The following PYGB variants were observed in gnomAD, a reference collection of about 807,000 sequenced individuals.
The protein encoded by PYGB is glycogen phosphorylase B.
Under a neutral mutation model 94.3 loss-of-function variants are expected in PYGB, and 82 were observed. The ratio of observed to expected loss-of-function variants is 0.87; its 90% confidence interval spans 0.73 to 1.04. The LOEUF (loss-of-function observed/expected upper bound fraction) is 1.04, where lower values mean the gene tolerates loss of function less well. Ranked by LOEUF, PYGB falls within the 50% of genes least tolerant of loss-of-function variation. The pLI, the probability that PYGB is intolerant of heterozygous loss-of-function variation, is 0.00. For synonymous variants in PYGB, 488 were observed against 479.1 expected, an observed-to-expected ratio of 1.02 and a Z score of -0.24; for missense variants, 1,132 against 1,158.2, an observed-to-expected ratio of 0.98 and a Z score of 0.33.
intron 1 of PYGB, among the ~76,000 whole-genome samples, chr20:25,254,378 C>T (rs2092897294): frequency 6.6e-6 from 1 of 152,084 alleles, no homozygotes; most frequent in Non-Finnish European, 1.5e-5. Flanking sequence ...CGGATCAAAG[C>T]TTTAAGCCAT....
chr20:25,294,246 C>T lies in PYGB; in HGVS notation c.2266C>T (p.Pro756Ser). ...ISSGFFSPKE[P>S]DCFKDIVNML... The stretch of plus-strand genomic sequence containing the variant: ...CAGTGGCTTTTTTTCTCCCAAGGAG[C>T]CAGACTGCTTCAAGGACATCGTGAA... Residue 756 changes from proline (P) to serine (S), a missense_variant, in exon 18 of 20, where the codon CCA (proline) becomes TCA (serine). Coordinates refer to ENST00000216962, the MANE Select transcript of PYGB (RefSeq NM_002862.4). 1 of 1,611,806 alleles carries T rather than the reference C, an allele frequency of 6.2e-7. No individual in the cohort carries two copies. Among genetic ancestry groups the T allele is most frequent in the Non-Finnish European group, 8.5e-7 (1 of 1,178,478 alleles).
chr20:25,255,266 C>T (rs988568003), intron 1 of PYGB, among the ~76,000 whole-genome samples: 3 of 152,230 alleles, frequency 2.0e-5, no homozygotes, highest in East Asian at 1.9e-4. Flanking sequence ...CCAACCTCAG[C>T]GTCTGGCAGG....
Position 25,296,864 on chromosome 20 carries a change from C to A in PYGB, c.*342C>A. 3.7e-6 allele frequency: 1 copy of A among 272,352 alleles called. No individual in the cohort carries two copies. Among genetic ancestry groups the A allele is most frequent in the South Asian group, 4.7e-5 (1 of 21,468 alleles). The allele number at this position is 272,352 out of a possible 1,614,324, so 16.9% of individuals were successfully genotyped here. A position where few individuals can be genotyped will look rare whatever the true frequency, so the allele number is the denominator to read the frequency against. On this transcript the variant is annotated 3_prime_UTR_variant, in exon 20 of 20. Transcript: ENST00000216962. ...TGCACACATCTTGCTATGTATTAGC[C>A]GATGTCTTTAGTGTTGAGCCTCTGG...
At chr20:25,291,703 C>T (rs1600742622) in intron 16 of PYGB, among the ~76,000 whole-genome samples, 2 of 152,208 alleles carry the variant, frequency 1.3e-5, no homozygotes, top group Non-Finnish European at 2.9e-5. Flanking sequence ...GTTTTGGGGC[C>T]AGCTGACTCC....
rs552917512 is a variant in PYGB, at chr20:25,269,012, A to G, written c.346-117A>G. On this transcript the variant is annotated intron_variant, in intron 2 of 19. Transcript: ENST00000216962. ...TTTTAACATTGAATTTTCAAGTCTA[A>G]CAGAACCCAGACTCTAACTTTTAGC... 116 of 863,634 alleles carry G rather than the reference A, an allele frequency of 1.3e-4. 1 individual carries two copies. The South Asian group carries it at 1.6e-3, about 12-fold the overall frequency. The allele number at this position is 863,634 out of a possible 1,614,324, so 53.5% of individuals were successfully genotyped here. A position where few individuals can be genotyped will look rare whatever the true frequency, so the allele number is the denominator to read the frequency against.
intron 4 of PYGB, among the ~76,000 whole-genome samples, chr20:25,273,858 T>G (rs2088287760): frequency 6.6e-6 from 1 of 151,990 alleles, no homozygotes; most frequent in African/African-American, 2.4e-5. Context: ...ATTTAATAAT[T>G]TTTTTTTAGA....
chr20:25,287,095 T>C (rs1265282474), intron 14 of PYGB, among the ~76,000 whole-genome samples: 1 of 152,200 alleles, frequency 6.6e-6, no homozygotes, highest in Non-Finnish European at 1.5e-5. Flanking sequence ...ATCCCCTTTT[T>C]GTAGGAACCT....
At chr20:25,285,977 G>A (rs1033199375) in intron 14 of PYGB, among the ~76,000 whole-genome samples, 1 of 152,204 alleles carries the variant, frequency 6.6e-6, no homozygotes, top group Non-Finnish European at 1.5e-5. Flanking sequence ...CGGTTTGGCT[G>A]AAGATGCCAG....
intron 14 of PYGB, among the ~76,000 whole-genome samples, chr20:25,287,717 C>T (rs1190585443): frequency 1.3e-5 from 2 of 152,122 alleles, no homozygotes; most frequent in Admixed American, 6.5e-5. Flanking sequence ...CGGTAGCTCA[C>T]GCCTATAATC....
chr20:25,262,892 G>T (rs1426482167), intron 2 of PYGB, among the ~76,000 whole-genome samples: 2 of 152,120 alleles, frequency 1.3e-5, no homozygotes, highest in Non-Finnish European at 2.9e-5. Flanking sequence ...ATGGTAAAGG[G>T]ATCAATTCAA....
chr20:25,259,377 G>T (rs200323542), intron 2 of PYGB, 39 bp downstream of exon 2: 2 of 1,496,042 alleles, frequency 1.3e-6, no homozygotes, highest in Non-Finnish European at 1.9e-6. Flanking sequence ...GTGGCCCCTC[G>T]TGGTGCTTTG....
chr20:25,281,191 T>C (rs2123573970), intron 11 of PYGB, 79 bp downstream of exon 11: 1 of 1,543,102 alleles, frequency 6.5e-7, no homozygotes, highest in East Asian at 2.3e-5. Flanking sequence ...ACCAAACACA[T>C]GGACCCAGCT....
At chr20:25,291,746 G>A (rs1267984773) in intron 16 of PYGB, among the ~76,000 whole-genome samples, 1 of 152,132 alleles carries the variant, frequency 6.6e-6, no homozygotes, top group Non-Finnish European at 1.5e-5. Context: ...TCAGGCACCT[G>A]GTCTGGAGTC....
chr20:25,293,908 G>T, intron 17 of PYGB: 1 of 538,454 alleles, frequency 1.9e-6, no homozygotes, highest in African/African-American at 1.9e-5. Flanking sequence ...TGCTAGTGAT[G>T]ACATTTCTTT....
At chr20:25,249,859 T>A (rs2092882643) in intron 1 of PYGB, among the ~76,000 whole-genome samples, 1 of 151,642 alleles carries the variant, frequency 6.6e-6, no homozygotes, top group African/African-American at 2.4e-5. Context: ...CATTTTTTTT[T>A]TTTTTTTAAT....
chr20:25,284,257 T>C lies in PYGB; in HGVS notation c.1768+6T>C, dbSNP rs780653811. The C allele has an allele frequency of 1.9e-6, 3 of 1,612,186 alleles. No homozygotes were observed. The highest frequency in any genetic ancestry group is 4.5e-5 in the East Asian group (2 of 44,846). On this transcript the variant is annotated splice_donor_region_variant and intron_variant, in intron 14 of 19. Coordinates refer to ENST00000216962, the MANE Select transcript of PYGB (RefSeq NM_002862.4). Reference sequence around the variant, plus strand: ...CGTCGTCACCCTGTACAATCGTGAGTGCCGGCATCACCTGCATGACCGCGC... The same window carrying C: ...CGTCGTCACCCTGTACAATCGTGAGCGCCGGCATCACCTGCATGACCGCGC...
Position 25,281,122 on chromosome 20 carries a change from G to C in PYGB, c.1403+10G>C, listed in dbSNP as rs199914944. 6 of 1,613,902 alleles carry C rather than the reference G, an allele frequency of 3.7e-6. No individual in the cohort carries two copies. Among genetic ancestry groups the C allele is most frequent in the Non-Finnish European group, 3.4e-6 (4 of 1,179,830 alleles). On this transcript the variant is annotated intron_variant, in intron 11 of 19. Coordinates refer to ENST00000216962, the MANE Select transcript of PYGB (RefSeq NM_002862.4). ...TCGTGAAACAGTCGGTGTGAGTGGG[G>C]CGCTTGCCCGAGCGGGGCCAGCTCT... is the stretch of plus-strand genomic sequence containing the variant.
At chr20:25,290,727 A>T in intron 16 of PYGB, 105 bp downstream of exon 16, 2 of 1,483,802 alleles carry the variant, frequency 1.3e-6, no homozygotes, top group Non-Finnish European at 1.9e-6. Flanking sequence ...CTCTGCCTGG[A>T]CACCCAGACC....
At chr20:25,259,212 C>A (rs746614831) in intron 1 of PYGB, 25 bp from the exon 2 acceptor site, 14 of 1,539,450 alleles carry the variant, frequency 9.1e-6, no homozygotes, top group Non-Finnish European at 9.9e-6. Flanking sequence ...AATGAGAAAT[C>A]TTATTCTTTC....
Sources: gnomAD v4.1 joint callset for allele counts (sites outside exome capture counted in the v4.1 genomes callset) on GRCh38, gnomAD v4.1.1 for gene constraint, MANE v1.5 for transcripts, NCBI Gene and HGNC (gene_info 2026-07-23, HGNC 2026-07-21) for gene names.